KCTD14: variants seen among roughly 807,000 people sequenced by gnomAD.
KCTD14 encodes the protein potassium channel tetramerization domain containing 14, also known as BTB/POZ domain-containing protein KCTD14.
Under a neutral mutation model 5.9 loss-of-function variants are expected in KCTD14, and 7 were observed. The ratio of observed to expected loss-of-function variants is 1.19; its 90% CI spans 0.68 to 2.23. The LOEUF (loss-of-function observed/expected upper bound fraction) is 2.23, where lower values mean the gene tolerates loss of function less well. KCTD14 is among the 30% of genes most tolerant of loss of function. The pLI, the probability that KCTD14 is intolerant of heterozygous loss-of-function variation, is 0.00. For missense variants in KCTD14, 342 were observed against 332.2 expected (o/e 1.03, Z -0.23); for synonymous variants, 140 against 133.1 (o/e 1.05, Z -0.36).
intron 1 of KCTD14, among the ~76,000 whole-genome samples, chr11:78,020,589 C>T (rs1328061405): frequency 1.3e-5 from 2 of 152,228 alleles, no homozygotes; most frequent in Non-Finnish European, 2.9e-5. Flanking sequence ...CTGTAAAGCT[C>T]GCAGTTAAAT....
At chr11:78,033,901 G>GTGTACATATATATATATATATA in intron 2 of KCTD14, among the ~76,000 whole-genome samples, 1 of 115,602 alleles carries the variant, frequency 8.7e-6, no homozygotes, top group Non-Finnish European at 1.7e-5. Context: ...GTGTGTGTGT[G>GTGTACATATATATATATATATA]TATATATATA....
intron 2 of KCTD14, among the ~76,000 whole-genome samples, chr11:78,036,773 G>C (rs1351909295): frequency 1.3e-5 from 2 of 152,180 alleles, no homozygotes; most frequent in Non-Finnish European, 2.9e-5. Context: ...CTCCATGAGG[G>C]CAGCCAGTCT....
chr11:78,033,901 G>GTGTGTGTATATATATATATATA, intron 2 of KCTD14, among the ~76,000 whole-genome samples: 60 of 115,562 alleles, frequency 5.2e-4, no homozygotes, highest in African/African-American at 1.2e-3. Flanking sequence ...GTGTGTGTGT[G>GTGTGTGTATATATATATATATA]TATATATATA....
At chr11:78,033,887 GTA>G (rs1339646620) in intron 2 of KCTD14, among the ~76,000 whole-genome samples, 9,075 of 54,364 alleles carry the variant, frequency 0.17, 1,213 homozygotes, top group African/African-American at 0.42. Flanking sequence ...TAGTGTGTGT[GTA>G]TGTGTGTGTG....
chr11:78,037,718 C>G (rs1745600630), intron 2 of KCTD14, among the ~76,000 whole-genome samples: 1 of 152,118 alleles, frequency 6.6e-6, no homozygotes, highest in African/African-American at 2.4e-5. Context: ...GCTCGGGAGG[C>G]TGAGGCACGA....
At chr11:78,034,835 C>T (rs914227568) in intron 2 of KCTD14, among the ~76,000 whole-genome samples, 1 of 152,148 alleles carries the variant, frequency 6.6e-6, no homozygotes, top group African/African-American at 2.4e-5. Context: ...CTGTAGTGAA[C>T]ATGTGTAACA....
rs761063488 is a variant in KCTD14 at position 78,023,218 on chromosome 11, A to C, written c.32T>G (p.Val11Gly). Residue 11 changes from valine (V) to glycine (G), a missense_variant, in exon 1 of 2, where the codon GTG (valine) becomes GGG (glycine). Coordinates refer to ENST00000353172, the MANE Select transcript of KCTD14 (RefSeq NM_023930.4). MWQGCAVERPVGRMTSQTPLP... is the reference protein window; with the variant it reads MWQGCAVERPGGRMTSQTPLP... ...AGGGGTCTGGCTCGTCATCCTGCCC[A>C]CTGGCCGCTCCACTGCGCAGCCCTG... 6.2e-7 allele frequency: 1 copy of C among 1,608,306 alleles called. No homozygotes were observed. Among genetic ancestry groups the C allele is most frequent in the Non-Finnish European group, 8.5e-7 (1 of 1,179,346 alleles).
intron 2 of KCTD14, among the ~76,000 whole-genome samples, chr11:78,033,234 GCGT>G (rs1266269508): frequency 6.6e-6 from 1 of 152,208 alleles, no homozygotes; most frequent in Admixed American, 6.5e-5. Context: ...AATGTTCGTT[GCGT>G]CATTGTTTGC....
intron 2 of KCTD14, chr11:78,038,649 G>C (rs769967479): frequency 6.5e-7 from 1 of 1,535,546 alleles, no homozygotes; most frequent in South Asian, 1.2e-5. Flanking sequence ...CCAAGAGAGG[G>C]GGTGACCTGC....
At chr11:78,045,640 G>C (rs141518247) in intron 1 of KCTD14, among the ~76,000 whole-genome samples, 11 of 152,320 alleles carry the variant, frequency 7.2e-5, no homozygotes, top group Admixed American at 6.5e-4. Context: ...AGGCAGTTTG[G>C]AGGTTAAAGG....
chr11:78,038,534 TCTGGCTCCCCGCTCA>T, intron 2 of KCTD14: 1 of 1,081,090 alleles, frequency 9.2e-7, no homozygotes, highest in Non-Finnish European at 1.3e-6. Flanking sequence ...CCGCACCCCA[TCTGGCTCCCCGCTCA>T]CTGGCTCCCC....
intron 1 of KCTD14, chr11:78,038,838 A>G (rs1174026207): frequency 2.0e-6 from 3 of 1,496,566 alleles, no homozygotes; most frequent in African/African-American, 2.8e-5. Flanking sequence ...GGCCCAGGCC[A>G]GGAGCCTGAC....
chr11:78,019,921 T>C (rs1273959975), intron 1 of KCTD14, among the ~76,000 whole-genome samples: 1 of 152,190 alleles, frequency 6.6e-6, no homozygotes, highest in African/African-American at 2.4e-5. Context: ...ATTACATAAA[T>C]TACCTTCAGT....
intron 1 of KCTD14, among the ~76,000 whole-genome samples, chr11:78,043,689 G>A (rs1486017319): frequency 1.3e-5 from 2 of 152,182 alleles, no homozygotes; most frequent in East Asian, 3.9e-4. Context: ...AAAGGTGTTG[G>A]TCAAGTGGAG....
chr11:78,021,483 A>G (rs975744480), intron 1 of KCTD14, among the ~76,000 whole-genome samples: 3 of 151,554 alleles, frequency 2.0e-5, no homozygotes, highest in African/African-American at 7.3e-5. Context: ...CAGTGGTACA[A>G]TCTCGGCTCA....
chr11:78,043,034 G>A (rs1464325087), intron 1 of KCTD14, among the ~76,000 whole-genome samples: 1 of 152,200 alleles, frequency 6.6e-6, no homozygotes, highest in East Asian at 1.9e-4. Context: ...TGGGCACCGT[G>A]GCTCACACCT....
At chr11:78,024,832 C>T (rs191107475), upstream of KCTD14, among the ~76,000 whole-genome samples, 1,227 of 151,462 alleles carry the variant, frequency 8.1e-3, 9 homozygotes, top group Non-Finnish European at 0.013. Flanking sequence ...GTAATCCCAG[C>T]TACTTGGGAG....
chr11:78,031,416 T>C (rs1315600914), intron 2 of KCTD14, among the ~76,000 whole-genome samples: 1 of 152,140 alleles, frequency 6.6e-6, no homozygotes, highest in Non-Finnish European at 1.5e-5. Flanking sequence ...TCTTGCTCTG[T>C]TGCCCAGGCT....
In KCTD14 at chr11:78,036,295, G is replaced by T. The variant is rs144791507; in HGVS notation, c.-1+2369C>A. ...GTGTGCACACATGTGCATGCATTGT[G>T]TCTATGCTGTACACTTGACAGTCTC... On this transcript the variant is annotated intron_variant, in intron 2 of 2. Transcript: ENST00000533144. Among the ~76,000 whole-genome samples, 55 of 152,354 alleles carry T rather than the reference G, an allele frequency of 3.6e-4. 1 individual carries two copies. In the East Asian group the frequency reaches 7.9e-3, roughly 22 times the overall value.
Sources: allele counts gnomAD v4.1 joint callset (sites outside exome capture counted in the v4.1 genomes callset), GRCh38; gene constraint gnomAD v4.1.1; transcripts MANE v1.5; gene names NCBI Gene and HGNC (gene_info 2026-07-23, HGNC 2026-07-21).